Variants in BICD1 observed in about 807,000 individuals in gnomAD.
BICD1 encodes the protein protein bicaudal D homolog 1.
Under a neutral mutation model 92.5 loss-of-function variants are expected in BICD1, and 35 were observed. That is an observed-to-expected ratio of 0.38 (90% CI 0.29 to 0.50). The LOEUF is 0.50. BICD1 is among the 20% of genes least tolerant of loss of function. The pLI, the probability that BICD1 is intolerant of heterozygous loss-of-function variation, is 0.93. For missense variants in BICD1, 950 were observed against 1,189.8 expected (o/e 0.80, Z 2.97); for synonymous variants, 429 against 465.1 (o/e 0.92, Z 1.00).
chr12:32,360,169 C>T (rs1939269713), intron 8 of BICD1, among the ~76,000 whole-genome samples: 1 of 150,008 alleles, frequency 6.7e-6, no homozygotes, highest in African/African-American at 2.4e-5. Flanking sequence ...CAGAGTGAGA[C>T]TCCATCTCAA....
In BICD1 at chr12:32,306,363, C is replaced by T. The variant is rs1043305182; in HGVS notation, c.1005+241C>T. On this transcript the variant is annotated intron_variant, in intron 4 of 9. Coordinates refer to ENST00000652176, the MANE Select transcript of BICD1 (RefSeq NM_001714.4). ...GGTTCAAGTGATTCTCCTGCCTCAG[C>T]CTCCCGAGTAGCTGGGACTACAGGT... 2.3e-4 allele frequency among the ~76,000 whole-genome samples: 35 copies of T among 152,106 alleles called. 1 individual carries two copies. The highest frequency in any genetic ancestry group is 8.2e-4 in the African/African-American group (34 of 41,434).
Position 32,338,851 on chromosome 12 carries a change from A to AT in BICD1, c.2639dup (p.Leu880PhefsTer7). The AT allele has an allele frequency of 6.2e-7, 1 of 1,605,554 alleles. No homozygotes were observed. The highest frequency in any genetic ancestry group is 1.3e-5 in the African/African-American group (1 of 74,632). On this transcript the variant is annotated frameshift_variant, in exon 8 of 10. Transcript: ENST00000652176. LOFTEE classifies it high-confidence loss of function. ...ACTTCAGGGGCTTCCTACCTACAGA[A>AT]TTTATTAAGAGTTCCCCCTGATCCC...
At chr12:32,149,932 C>A (rs10844139) in intron 1 of BICD1, among the ~76,000 whole-genome samples, 130,959 of 152,194 alleles carry the variant, frequency 0.86, 56,555 homozygotes, top group African/African-American at 0.92. Context: ...GACATACCCA[C>A]GACTGGGTAA....
intron 1 of BICD1, among the ~76,000 whole-genome samples, chr12:32,189,103 A>G (rs1565575289): frequency 1.3e-5 from 2 of 152,246 alleles, no homozygotes; most frequent in Non-Finnish European, 2.9e-5. Flanking sequence ...GAAGCCTGAT[A>G]GGAAAAGCTT....
intron 2 of BICD1, among the ~76,000 whole-genome samples, chr12:32,251,678 G>A (rs924229554): frequency 6.6e-6 from 1 of 152,024 alleles, no homozygotes; most frequent in African/African-American, 2.4e-5. Flanking sequence ...CCAGCTCCCT[G>A]TGTTAATGGA....
chr12:32,164,744 T>C (rs939717091), intron 1 of BICD1, among the ~76,000 whole-genome samples: 1 of 152,140 alleles, frequency 6.6e-6, no homozygotes, highest in African/African-American at 2.4e-5. Context: ...AAGAGAAAGA[T>C]TGTTCTTCAA....
At chr12:32,110,990 TAAAAA>T (rs201282585) in intron 1 of BICD1, among the ~76,000 whole-genome samples, 3 of 150,604 alleles carry the variant, frequency 2.0e-5, no homozygotes, top group African/African-American at 7.3e-5. Context: ...AGTATAATAA[TAAAAA>T]AAAAGAGTTT....
intron 2 of BICD1, among the ~76,000 whole-genome samples, chr12:32,236,796 G>C (rs1251866717): frequency 6.6e-6 from 1 of 150,922 alleles, no homozygotes; most frequent in African/African-American, 2.4e-5. Context: ...CCTCATTGCC[G>C]ATATGCAGAA....
intron 2 of BICD1, among the ~76,000 whole-genome samples, chr12:32,279,944 C>T (rs1947371622): frequency 6.6e-6 from 1 of 152,002 alleles, no homozygotes; most frequent in African/African-American, 2.4e-5. Context: ...ACTAAAAATA[C>T]AAAATTAGCC....
intron 2 of BICD1, among the ~76,000 whole-genome samples, chr12:32,234,861 T>G (rs1164141556): frequency 6.6e-6 from 1 of 151,874 alleles, no homozygotes; most frequent in Non-Finnish European, 1.5e-5. Flanking sequence ...ATTTTTATAT[T>G]TTTTGTAGAG....
At chr12:32,341,189 T>G (rs1037732153) in intron 8 of BICD1, among the ~76,000 whole-genome samples, 3 of 152,010 alleles carry the variant, frequency 2.0e-5, no homozygotes, top group Non-Finnish European at 4.4e-5. Context: ...ATTTATGAGA[T>G]TCGAGGCCGG....
rs1253056603 is a variant in BICD1 at position 32,382,423 on chromosome 12, CATA to C, written c.*4798_*4800del. 1 of 152,074 alleles carries C rather than the reference CATA, an allele frequency of 6.6e-6. No homozygotes were observed. The highest frequency in any genetic ancestry group is 1.5e-5 in the Non-Finnish European group (1 of 67,960). The allele number at this position is 152,074 out of a possible 1,614,324, so 9.4% of individuals were successfully genotyped here. On this transcript the variant is annotated 3_prime_UTR_variant, in exon 10 of 10. Transcript: ENST00000652176. ...CACATCATGTAAGCTTTCCCATATT[CATA>C]AGATGAACACTATAGAAGTCTCATT...
At chr12:32,333,803 C>T (rs1937985114) in intron 5 of BICD1, among the ~76,000 whole-genome samples, 1 of 152,140 alleles carries the variant, frequency 6.6e-6, no homozygotes, top group Admixed American at 6.6e-5. Flanking sequence ...CTATTAATTC[C>T]AAGAACTTCG....
chr12:32,112,194 T>C (rs902984371), intron 1 of BICD1, among the ~76,000 whole-genome samples: 1 of 152,022 alleles, frequency 6.6e-6, no homozygotes, highest in African/African-American at 2.4e-5. Flanking sequence ...TTAGTAGAGA[T>C]AGCGTTTCTT....
chr12:32,376,239 A>G (rs1245912572), intron 9 of BICD1, among the ~76,000 whole-genome samples: 1 of 151,878 alleles, frequency 6.6e-6, no homozygotes, highest in Non-Finnish European at 1.5e-5. Context: ...ACACGCCACC[A>G]TACCCAGCTA....
intron 8 of BICD1, among the ~76,000 whole-genome samples, chr12:32,348,774 A>G (rs1297011420): frequency 6.8e-5 from 4 of 58,998 alleles, no homozygotes; most frequent in Admixed American, 4.8e-4. Flanking sequence ...ATATATATAT[A>G]TATATCAGCA....
chr12:32,134,611 T>C (rs1942664982), intron 1 of BICD1, among the ~76,000 whole-genome samples: 2 of 152,196 alleles, frequency 1.3e-5, no homozygotes, highest in African/African-American at 2.4e-5. Flanking sequence ...TTGGTAGGGA[T>C]GTCAAGGAAG....
At chr12:32,259,235 C>T (rs11051882) in intron 2 of BICD1, among the ~76,000 whole-genome samples, 8,759 of 152,232 alleles carry the variant, frequency 0.058, 367 homozygotes, top group East Asian at 0.22. Context: ...ATAATGTCCA[C>T]GATCATCTCT....
intron 1 of BICD1, among the ~76,000 whole-genome samples, chr12:32,207,866 T>C (rs1945106751): frequency 6.6e-6 from 1 of 152,174 alleles, no homozygotes; most frequent in African/African-American, 2.4e-5. Context: ...AGCAGGAGGT[T>C]TAGTGTTTCA....
Sources: gnomAD v4.1 joint callset for allele counts (sites outside exome capture counted in the v4.1 genomes callset) on GRCh38, gnomAD v4.1.1 for gene constraint, MANE v1.5 for transcripts, NCBI Gene and HGNC (gene_info 2026-07-23, HGNC 2026-07-21) for gene names.